SGCG: variants seen among roughly 807,000 people sequenced by gnomAD.
SGCG encodes the protein gamma-sarcoglycan.
Under a neutral mutation model 29.3 loss-of-function variants are expected in SGCG, and 26 were observed. The observed-to-expected ratio is 0.89, with a 90% confidence interval of 0.65 to 1.23. The LOEUF is 1.23. Among genes scored for constraint, SGCG ranks in the 50% most tolerant of loss-of-function variants. The pLI, the probability that SGCG is intolerant of heterozygous loss-of-function variation, is 0.00. For missense variants in SGCG, 353 were observed against 356.0 expected, an observed-to-expected ratio of 0.99 and a Z score of 0.07; for synonymous variants, 145 against 129.7, an observed-to-expected ratio of 1.12 and a Z score of -0.80.
At chr13:23,314,082 G>C (rs1882702698) in intron 6 of SGCG, among the ~76,000 whole-genome samples, 1 of 151,692 alleles carries the variant, frequency 6.6e-6, no homozygotes. Context: ...TTGTGATCAT[G>C]TAAGTTAATG....
At chr13:23,252,491 AC>A (rs749537808) in intron 4 of SGCG, among the ~76,000 whole-genome samples, 21 of 152,182 alleles carry the variant, frequency 1.4e-4, no homozygotes, top group Admixed American at 3.9e-4. Flanking sequence ...GGAGATCAAG[AC>A]CATCCTGGCT....
intron 6 of SGCG, among the ~76,000 whole-genome samples, chr13:23,311,144 C>T (rs10162179): frequency 2.0e-5 from 3 of 152,110 alleles, no homozygotes; most frequent in Non-Finnish European, 4.4e-5. Context: ...AGATTTCTAT[C>T]TAGGCTGACA....
chr13:23,231,996 G>A (rs1197653566), intron 2 of SGCG, among the ~76,000 whole-genome samples: 4 of 152,034 alleles, frequency 2.6e-5, no homozygotes, highest in African/African-American at 9.7e-5. Flanking sequence ...GCACACTCCT[G>A]TAATCCCAGC....
rs545547849 is a variant in SGCG at position 23,299,352 on chromosome 13, GC to G, written c.578+3866del. 6.2e-3 allele frequency among the ~76,000 whole-genome samples: 860 copies of G among 138,286 alleles called. 12 individuals are homozygous for G. The highest frequency in any genetic ancestry group is 0.023 in the African/African-American group (830 of 36,616). The allele number at this position is 138,286 out of a possible 152,430, so 90.7% of individuals were successfully genotyped here. A position where few individuals can be genotyped will look rare whatever the true frequency, so the allele number is the denominator to read the frequency against. On this transcript the variant is annotated intron_variant, in intron 6 of 7. Coordinates refer to ENST00000218867, the MANE Select transcript of SGCG (RefSeq NM_000231.3). The stretch of plus-strand genomic sequence containing the variant: ...CCACTTTTTATTTCTGGTTCCAGCA[GC>G]ATTACTATTCCTGGCCTGATTACAG...
chr13:23,217,659 G>A (rs1306662991), intron 2 of SGCG: 2 of 151,488 alleles, frequency 1.3e-5, no homozygotes, highest in Non-Finnish European at 2.9e-5. Context: ...CATGAAAGTA[G>A]GCTTGTCTAT....
chr13:23,169,857 T>C, the SGCG span: 1 of 152,348 alleles, frequency 6.6e-6, no homozygotes, highest in African/African-American at 2.4e-5. Context: ...AGGCAATTTA[T>C]TGACTGGCAT....
intron 3 of SGCG, among the ~76,000 whole-genome samples, chr13:23,248,188 C>A (rs1411393790): frequency 6.6e-6 from 1 of 151,046 alleles, no homozygotes; most frequent in Non-Finnish European, 1.5e-5. Flanking sequence ...TTTTCCTTTC[C>A]AAAAAAAATT....
intron 1 of SGCG, among the ~76,000 whole-genome samples, chr13:23,199,735 G>T (rs1335734176): frequency 7.1e-6 from 1 of 141,020 alleles, no homozygotes; most frequent in East Asian, 2.1e-4. Flanking sequence ...AATTACAGCT[G>T]GCAAACTTAA....
chr13:23,225,123 C>A (rs1332604259), intron 2 of SGCG, among the ~76,000 whole-genome samples: 1 of 152,278 alleles, frequency 6.6e-6, no homozygotes, highest in Non-Finnish European at 1.5e-5. Context: ...CACCTTCCAC[C>A]ACCTCATCCT....
intron 6 of SGCG, among the ~76,000 whole-genome samples, chr13:23,313,536 C>A (rs1593107339): frequency 6.6e-6 from 1 of 152,140 alleles, no homozygotes; most frequent in African/African-American, 2.4e-5. Flanking sequence ...TTTGACTGTT[C>A]ATAGTCTATA....
intron 2 of SGCG, among the ~76,000 whole-genome samples, chr13:23,220,321 A>G (rs73168658): frequency 0.098 from 14,955 of 152,142 alleles, 997 homozygotes; most frequent in East Asian, 0.37. Context: ...CGTGTGGTGC[A>G]TGCCTGTAAT....
intron 2 of SGCG, among the ~76,000 whole-genome samples, chr13:23,223,073 T>C (rs890376293): frequency 9.2e-5 from 14 of 151,998 alleles, no homozygotes; most frequent in African/African-American, 2.9e-4. Flanking sequence ...GGTCAGGAGA[T>C]CGAGACCATC....
the SGCG span, among the ~76,000 whole-genome samples, chr13:23,170,802 T>G: frequency 6.6e-6 from 1 of 152,110 alleles, no homozygotes; most frequent in Non-Finnish European, 1.5e-5. Flanking sequence ...AGAAGTAACC[T>G]GAGAGAGGTA....
intron 6 of SGCG, among the ~76,000 whole-genome samples, chr13:23,296,236 A>G (rs1566035987): frequency 6.6e-6 from 1 of 152,254 alleles, no homozygotes; most frequent in Non-Finnish European, 1.5e-5. Flanking sequence ...AGTGGAAGAC[A>G]AAGGTGCCTT....
At chr13:23,232,384 T>C (rs1879146862) in intron 2 of SGCG, among the ~76,000 whole-genome samples, 2 of 152,208 alleles carry the variant, frequency 1.3e-5, no homozygotes, top group African/African-American at 4.8e-5. Flanking sequence ...CATATCTCTA[T>C]CCTAGAAATT....
chr13:23,224,680 A>ACACACACACCC (rs1433903594), intron 2 of SGCG, among the ~76,000 whole-genome samples: 1 of 150,552 alleles, frequency 6.6e-6, no homozygotes, highest in Non-Finnish European at 1.5e-5. Flanking sequence ...ACACACACAC[A>ACACACACACCC]CCCCACACCA....
intron 7 of SGCG, among the ~76,000 whole-genome samples, chr13:23,323,117 C>T (rs1441955059): frequency 1.3e-5 from 2 of 152,076 alleles, no homozygotes; most frequent in African/African-American, 4.8e-5. Flanking sequence ...GTGGGCAGGA[C>T]CCATCAGATG....
intron 3 of SGCG, among the ~76,000 whole-genome samples, chr13:23,236,067 G>T (rs536074449): frequency 2.0e-5 from 3 of 152,336 alleles, no homozygotes; most frequent in African/African-American, 7.2e-5. Flanking sequence ...GTGGGAGCCA[G>T]AAGATGACCT....
intron 1 of SGCG, among the ~76,000 whole-genome samples, chr13:23,190,376 C>T (rs17078425): frequency 0.45 from 68,364 of 151,894 alleles, 18,133 homozygotes; most frequent in African/African-American, 0.75. Flanking sequence ...ATTAAGATTG[C>T]CTGGATTCCA....
Sources: gnomAD v4.1 joint callset for allele counts (sites outside exome capture counted in the v4.1 genomes callset) on GRCh38, gnomAD v4.1.1 for gene constraint, MANE v1.5 for transcripts, NCBI Gene and HGNC (gene_info 2026-07-23, HGNC 2026-07-21) for gene names.